The following THSD4 variants were observed in gnomAD, a reference collection of about 807,000 sequenced individuals.
The protein encoded by THSD4 is thrombospondin type-1 domain-containing protein 4.
In THSD4, 69 loss-of-function variants were observed where a neutral mutation model predicts 119.0. The ratio of observed to expected loss-of-function variants is 0.58; its 90% CI spans 0.48 to 0.71. The LOEUF is 0.71. THSD4 is among the 30% of genes least tolerant of loss of function. THSD4 has a pLI of 0.00. For synonymous variants in THSD4, 524 were observed against 540.4 expected (o/e 0.97, Z 0.42); for missense variants, 1,393 against 1,391.1 (o/e 1.00, Z -0.02).
intron 7 of THSD4, among the ~76,000 whole-genome samples, chr15:71,532,283 A>AGAGAGAGAGAGAGAGAGAGAGAGAGT (rs1379506089): frequency 3.2e-4 from 33 of 101,640 alleles, no homozygotes; most frequent in Admixed American, 6.6e-4. Flanking sequence ...AGAGAGAGAG[A>AGAGAGAGAGAGAGAGAGAGAGAGAGT]GTGTGTGTGT....
intron 7 of THSD4, among the ~76,000 whole-genome samples, chr15:71,571,920 T>C (rs574396558): frequency 6.6e-6 from 1 of 152,360 alleles, no homozygotes; most frequent in Non-Finnish European, 1.5e-5. Flanking sequence ...AATATCCCTA[T>C]TAATTATATT....
intron 4 of THSD4, among the ~76,000 whole-genome samples, chr15:71,242,446 C>G (rs1294371459): frequency 6.6e-6 from 1 of 152,176 alleles, no homozygotes; most frequent in Non-Finnish European, 1.5e-5. Flanking sequence ...TTTCATTCTA[C>G]TTTCCAACTT....
At chr15:71,182,683 G>A (rs2043544904) in intron 3 of THSD4, among the ~76,000 whole-genome samples, 1 of 151,752 alleles carries the variant, frequency 6.6e-6, no homozygotes, top group African/African-American at 2.4e-5. Flanking sequence ...AGTCTTTGGG[G>A]AGCAAAATGA....
intron 9 of THSD4, chr15:71,728,945 T>C (rs1200876067): frequency 1.7e-6 from 1 of 589,724 alleles, no homozygotes. Flanking sequence ...AGATGCTTAT[T>C]ACCTTCGGAG....
At chr15:71,707,446 G>A (rs1214199877) in intron 8 of THSD4, among the ~76,000 whole-genome samples, 11 of 152,158 alleles carry the variant, frequency 7.2e-5, no homozygotes, top group Admixed American at 7.2e-4. Flanking sequence ...AAACCAACAT[G>A]TGAATATCAG....
chr15:71,329,690 G>A (rs762020801), intron 6 of THSD4, among the ~76,000 whole-genome samples: 82 of 152,186 alleles, frequency 5.4e-4, no homozygotes, highest in Non-Finnish European at 9.6e-4. Context: ...ATTACTCATC[G>A]TGAAATTGAG....
intron 6 of THSD4, among the ~76,000 whole-genome samples, chr15:71,345,535 G>A (rs933565077): frequency 2.6e-5 from 4 of 152,192 alleles, no homozygotes; most frequent in Non-Finnish European, 5.9e-5. Flanking sequence ...GCCAGTCTGA[G>A]GGCTTGCTAA....
intron 7 of THSD4, among the ~76,000 whole-genome samples, chr15:71,516,013 C>G (rs962777739): frequency 2.0e-5 from 3 of 152,158 alleles, no homozygotes; most frequent in Non-Finnish European, 4.4e-5. Flanking sequence ...TAATAGAGCA[C>G]TTATCCTGGG....
intron 7 of THSD4, among the ~76,000 whole-genome samples, chr15:71,434,724 G>T (rs1008413903): frequency 6.6e-6 from 1 of 152,092 alleles, no homozygotes; most frequent in Admixed American, 6.5e-5. Flanking sequence ...TAAAAAAAGT[G>T]CAGTCTGAAT....
intron 4 of THSD4, among the ~76,000 whole-genome samples, chr15:71,232,302 G>A (rs2044067691): frequency 6.6e-6 from 1 of 152,098 alleles, no homozygotes; most frequent in African/African-American, 2.4e-5. Context: ...AGCCTTTATT[G>A]ACCCATTCGT....
chr15:71,480,720 G>A (rs2047717638), intron 7 of THSD4, among the ~76,000 whole-genome samples: 1 of 152,186 alleles, frequency 6.6e-6, no homozygotes, highest in African/African-American at 2.4e-5. Flanking sequence ...TGTTTTTCAA[G>A]CCTTGCATTG....
intron 4 of THSD4, among the ~76,000 whole-genome samples, chr15:71,223,362 ATG>A (rs1403603827): frequency 6.6e-6 from 1 of 152,216 alleles, no homozygotes; most frequent in Non-Finnish European, 1.5e-5. Flanking sequence ...CCTCTTTGAG[ATG>A]GAAAATGAAA....
intron 7 of THSD4, among the ~76,000 whole-genome samples, chr15:71,630,392 A>C (rs1308453613): frequency 1.3e-5 from 2 of 152,180 alleles, no homozygotes; most frequent in African/African-American, 4.8e-5. Flanking sequence ...TGTGATTAAA[A>C]AATGTGCAGT....
chr15:71,256,475 C>CA (rs34819269), intron 5 of THSD4, 138 bp from the exon 6 acceptor site: 20,024 of 349,898 alleles, frequency 0.057, 85 homozygotes, highest in African/African-American at 0.1. Flanking sequence ...GACTCCATCT[C>CA]AAAAAAAAAA....
chr15:71,464,517 CTG>C (rs1426798416), intron 7 of THSD4, among the ~76,000 whole-genome samples: 1 of 152,188 alleles, frequency 6.6e-6, no homozygotes, highest in Non-Finnish European at 1.5e-5. Context: ...TACCCACAGT[CTG>C]TGTCTTGGTT....
chr15:71,658,655 C>T (rs77968805), intron 7 of THSD4, among the ~76,000 whole-genome samples: 4,323 of 152,240 alleles, frequency 0.028, 215 homozygotes, highest in African/African-American at 0.098. Flanking sequence ...ATGGAAATCA[C>T]ACATGGAAAA....
intron 6 of THSD4, among the ~76,000 whole-genome samples, chr15:71,307,828 A>G (rs1446097462): frequency 1.3e-5 from 2 of 152,218 alleles, no homozygotes; most frequent in African/African-American, 4.8e-5. Context: ...GTGAAAGGAT[A>G]CAAATAAAAA....
chr15:71,669,000 A>G (rs1257563526), intron 8 of THSD4, among the ~76,000 whole-genome samples: 1 of 152,236 alleles, frequency 6.6e-6, no homozygotes, highest in Non-Finnish European at 1.5e-5. Flanking sequence ...TACTTATATA[A>G]ATAATTCTGT....
chr15:71,231,831 A>C (rs1446070306), intron 4 of THSD4, among the ~76,000 whole-genome samples: 4 of 152,160 alleles, frequency 2.6e-5, no homozygotes, highest in Admixed American at 2.0e-4. Flanking sequence ...TCTTCTGTAG[A>C]CACCAGATAA....
Sources: allele counts gnomAD v4.1 joint callset (sites outside exome capture counted in the v4.1 genomes callset), GRCh38; gene constraint gnomAD v4.1.1; transcripts MANE v1.5; gene names NCBI Gene and HGNC (gene_info 2026-07-23, HGNC 2026-07-21).